Variants in MTMR1 observed in about 807,000 individuals in gnomAD.
MTMR1 encodes myotubularin related protein 1.
Under a neutral mutation model 51.6 loss-of-function variants are expected in MTMR1, and 17 were observed. That is an observed-to-expected ratio of 0.33 (90% CI 0.23 to 0.49). The LOEUF is 0.49. MTMR1 is among the 20% of genes least tolerant of loss of function. The pLI, the probability that MTMR1 is intolerant of heterozygous loss-of-function variation, is 0.99. For missense variants in MTMR1, 386 were observed against 526.9 expected (o/e 0.73, Z 2.62); for synonymous variants, 201 against 205.6 (o/e 0.98, Z 0.19).
chrX:150,705,920 C>T (rs2041085951), intron 2 of MTMR1, among the ~76,000 whole-genome samples: 1 of 112,479 alleles, frequency 8.9e-6, no homozygotes, highest in Non-Finnish European at 1.9e-5. Context: ...ATTAAAAACA[C>T]AGTGCCATTG....
At chrX:150,745,028 G>A (rs1436290997) in intron 13 of MTMR1, among the ~76,000 whole-genome samples, 3 of 112,730 alleles carry the variant, frequency 2.7e-5, no homozygotes, top group Non-Finnish European at 5.6e-5. Context: ...GCCATCTAGG[G>A]ATCCCCTTCC....
rs782131884 is a variant in MTMR1 at position 150,750,884 on chromosome X, T to A, written c.1680+41T>A. The A allele has an allele frequency of 5.5e-6, 6 of 1,081,322 alleles. No homozygotes were observed. In the South Asian group the frequency reaches 9.7e-5, roughly 17 times the overall value. 89.1% of individuals were successfully genotyped at this position (1,081,322 alleles called of 1,213,427 possible). A position where few individuals can be genotyped will look rare whatever the true frequency, so the allele number is the denominator to read the frequency against. ...CCTTGTCTGTTGCTTTCCCTGTGGC[T>A]CAGGCACCTCTCCTCGGAAGTGCTA... is the stretch of plus-strand genomic sequence containing the variant. On this transcript the variant is annotated intron_variant, in intron 14 of 15. Transcript: ENST00000445323.
rs368987162 is a variant in MTMR1 at position 150,751,791 on chromosome X, T to C, written c.1680+948T>C. On this transcript the variant is annotated intron_variant, in intron 14 of 15. Transcript: ENST00000445323. ...TACACAGCACCACTGGCCATCCAGA[T>C]GCCGAGGCCAAATACACGGGAGCCA... Among the ~76,000 whole-genome samples, 12 of 110,595 alleles carry C rather than the reference T, an allele frequency of 1.1e-4. No homozygotes were observed. The East Asian group carries it at 3.4e-3, about 31-fold the overall frequency.
Position 150,762,799 on chromosome X carries a change from T to G in MTMR1, c.*70T>G. On this transcript the variant is annotated 3_prime_UTR_variant, in exon 16 of 16. Transcript: ENST00000445323. ...GAAAGGGACCTGGCGATCACTGTTA[T>G]GGCTGTAGCTTGTGATCTTGTCTTT... 9.5e-7 allele frequency: 1 copy of G among 1,052,055 alleles called. No homozygotes were observed. Among genetic ancestry groups the G allele is most frequent in the Non-Finnish European group, 1.3e-6 (1 of 797,284 alleles). 86.7% of individuals were successfully genotyped at this position (1,052,055 alleles called of 1,213,427 possible). A position where few individuals can be genotyped will look rare whatever the true frequency, so the allele number is the denominator to read the frequency against.
chrX:150,747,146 C>A (rs1432462279), intron 13 of MTMR1, among the ~76,000 whole-genome samples: 3 of 110,974 alleles, frequency 2.7e-5, no homozygotes, highest in Non-Finnish European at 5.7e-5. Flanking sequence ...TATTTTTGTT[C>A]CTCAAGAGGT....
intron 15 of MTMR1, among the ~76,000 whole-genome samples, chrX:150,761,299 G>A (rs1201952652): frequency 8.9e-6 from 1 of 112,119 alleles, no homozygotes; most frequent in Non-Finnish European, 1.9e-5. Context: ...GCCCAAGGGG[G>A]TCATTTCTTC....
chrX:150,739,113 C>G (rs1230808287), intron 12 of MTMR1, among the ~76,000 whole-genome samples: 2 of 112,063 alleles, frequency 1.8e-5, no homozygotes, highest in African/African-American at 6.5e-5. Context: ...TTCCAGCTGT[C>G]CCTGCACTCC....
intron 1 of MTMR1, among the ~76,000 whole-genome samples, chrX:150,698,669 TACACGCGCGCGC>T (rs2040773870): frequency 1.6e-5 from 1 of 64,143 alleles, no homozygotes; most frequent in South Asian, 1.2e-3. Flanking sequence ...AAACCCTGTC[TACACGCGCGCGC>T]ACACACACAC....
chrX:150,701,821 A>C (rs7876089), intron 2 of MTMR1, among the ~76,000 whole-genome samples: 9,312 of 111,447 alleles, frequency 0.084, 481 homozygotes, highest in African/African-American at 0.19. Context: ...AAGCCAATGC[A>C]CTCTAGCCTA....
At position 150,694,792 on chromosome X, in the gene MTMR1, A is replaced by G. The variant is rs782141842; in HGVS notation, c.146+1116A>G. ...GTCTGGGCGATTCAGAGAATAGCAC[A>G]ACACGGCTTTTGCTGCCTTACCATT... On this transcript the variant is annotated intron_variant, in intron 1 of 15. Coordinates refer to ENST00000445323, the MANE Select transcript of MTMR1 (RefSeq NM_001306144.3). Among the ~76,000 whole-genome samples, 3 of 112,550 alleles carry G rather than the reference A, an allele frequency of 2.7e-5. No individual in the cohort carries two copies. In the East Asian group the frequency reaches 8.4e-4, roughly 31 times the overall value.
intron 3 of MTMR1, among the ~76,000 whole-genome samples, chrX:150,713,153 TTGTTTTCATCA>T (rs1397718714): frequency 8.9e-6 from 1 of 112,446 alleles, no homozygotes; most frequent in African/African-American, 3.2e-5. Context: ...TTGTTTAGTC[TTGTTTTCATCA>T]TGTTTTCTTT....
At chrX:150,731,717 G>A in intron 9 of MTMR1, 98 bp downstream of exon 9, 1 of 777,936 alleles carries the variant, frequency 1.3e-6, no homozygotes, top group Non-Finnish European at 1.8e-6. Context: ...AACAAAAATG[G>A]AAAGCAGAAA....
rs782159131 is a variant in MTMR1, at chrX:150,762,588, G to A, written c.1881G>A (p.Lys627=). The change falls in exon 16 of 16, where the codon AAG becomes AAA. Residue 627 remains lysine, a synonymous_variant. Transcript: ENST00000445323. The part of the protein sequence containing the change: ...RPQMPIHQNL[K]ELLAVRAELQ... ...AGATGCCCATTCACCAGAATCTCAA[G>A]GAGCTGCTGGCCGTCAGGGCGGAGC... 3 of 1,212,203 alleles carry A rather than the reference G, an allele frequency of 2.5e-6. No homozygotes were observed. The highest frequency in any genetic ancestry group is 3.5e-5 in the South Asian group (2 of 57,025).
intron 15 of MTMR1, among the ~76,000 whole-genome samples, chrX:150,760,345 AGGGCAGATGCAAGCCTGTT>A (rs1297245131): frequency 9.1e-6 from 1 of 109,334 alleles, no homozygotes; most frequent in African/African-American, 3.3e-5. Flanking sequence ...GGTAAACGAC[AGGGCAGATGCAAGCCTGTT>A]GGGCCTCTTT....
At chrX:150,715,484 A>G (rs1207389518) in intron 3 of MTMR1, among the ~76,000 whole-genome samples, 1 of 112,467 alleles carries the variant, frequency 8.9e-6, no homozygotes, top group Non-Finnish European at 1.9e-5. Flanking sequence ...AGAATATTCC[A>G]TCCTTTGATT....
intron 14 of MTMR1, among the ~76,000 whole-genome samples, chrX:150,752,280 A>G (rs1197065516): frequency 9.0e-6 from 1 of 111,233 alleles, no homozygotes; most frequent in African/African-American, 3.3e-5. Context: ...TCACACTCCT[A>G]CTGTCTCACA....
intron 3 of MTMR1, chrX:150,712,987 T>G (rs2041366432): frequency 1.1e-6 from 1 of 906,909 alleles, no homozygotes; most frequent in South Asian, 2.5e-5. Flanking sequence ...TGCATGCATT[T>G]AACAGACATT....
intron 2 of MTMR1, among the ~76,000 whole-genome samples, chrX:150,706,893 A>G (rs1447457747): frequency 8.9e-6 from 1 of 111,894 alleles, no homozygotes; most frequent in African/African-American, 3.2e-5. Flanking sequence ...AGAGGTACAG[A>G]CACATAGATC....
At chrX:150,719,927 A>G (rs1174696399) in intron 4 of MTMR1, among the ~76,000 whole-genome samples, 1 of 109,660 alleles carries the variant, frequency 9.1e-6, no homozygotes, top group African/African-American at 3.3e-5. Context: ...TTTTCCTTTC[A>G]CTCTGGAAAC....
Sources: allele counts gnomAD v4.1 joint callset (sites outside exome capture counted in the v4.1 genomes callset), GRCh38; gene constraint gnomAD v4.1.1; transcripts MANE v1.5; gene names NCBI Gene and HGNC (gene_info 2026-07-23, HGNC 2026-07-21).